TOP2B: variants seen among roughly 807,000 people sequenced by gnomAD.
TOP2B encodes DNA topoisomerase II beta, also known as DNA topoisomerase 2-beta.
In TOP2B, 51 loss-of-function variants were observed where a neutral mutation model predicts 193.5. That is an observed-to-expected ratio of 0.26 (90% CI 0.21 to 0.33). The LOEUF (loss-of-function observed/expected upper bound fraction) is 0.33. Among genes scored for constraint, TOP2B ranks in the 10% least tolerant of loss-of-function variants. The pLI, the probability that TOP2B is intolerant of heterozygous loss-of-function variation, is 1.00. For missense variants in TOP2B, 1,378 were observed against 1,909.3 expected (o/e 0.72, Z 5.19); for synonymous variants, 634 against 635.7 (o/e 1.00, Z 0.04).
In TOP2B at chr3:25,598,495, A is replaced by G; in HGVS notation, c.4711-18T>C. The G allele has an allele frequency of 6.5e-7, 1 of 1,548,458 alleles. No individual in the cohort carries two copies. The highest frequency in any genetic ancestry group is 8.7e-7 in the Non-Finnish European group (1 of 1,147,778). On this transcript the variant is annotated intron_variant, in intron 35 of 35. Coordinates refer to ENST00000264331, the MANE Select transcript of TOP2B (RefSeq NM_001330700.2). ...TTCGGTTTCTAGATTTTTTTTCAAT[A>G]GATTTAAAAGTTATGAAAGGAAGTA...
At chr3:25,618,614 A>G in intron 24 of TOP2B, 40 bp downstream of exon 24, 1 of 1,545,432 alleles carries the variant, frequency 6.5e-7, no homozygotes, top group Non-Finnish European at 8.7e-7. Flanking sequence ...TTTTTTTTCC[A>G]TTTTAACTAA....
chr3:25,624,189 G>C (rs1702736898), intron 20 of TOP2B, 108 bp downstream of exon 20: 1 of 1,312,488 alleles, frequency 7.6e-7, no homozygotes. Flanking sequence ...CTTCTAAGTA[G>C]AATAACCAGA....
intron 30 of TOP2B, 69 bp from the exon 31 acceptor site, chr3:25,607,444 G>GA: frequency 6.8e-7 from 1 of 1,464,032 alleles, no homozygotes; most frequent in Non-Finnish European, 9.2e-7. Context: ...TATTATTACT[G>GA]ATAAAGCATT....
rs145109481 is a variant in TOP2B, at chr3:25,614,711, A to G, written c.3591+494T>C. 2.4e-3 allele frequency among the ~76,000 whole-genome samples: 359 copies of G among 152,066 alleles called. 2 individuals carry two copies. The highest frequency in any genetic ancestry group is 8.2e-3 in the African/African-American group (342 of 41,538). On this transcript the variant is annotated intron_variant, in intron 27 of 35. Transcript: ENST00000264331. The stretch of plus-strand genomic sequence containing the variant: ...TCATAATGCTACCATTAATTCCAAT[A>G]TTTTAATTGGGCAATTTTAGAAAAG...
intron 13 of TOP2B, 137 bp downstream of exon 13, chr3:25,629,892 T>C: frequency 1.1e-6 from 1 of 893,948 alleles, no homozygotes; most frequent in Non-Finnish European, 1.6e-6. Flanking sequence ...CTAAATGACG[T>C]GGTTTTTTCA....
intron 1 of TOP2B, among the ~76,000 whole-genome samples, chr3:25,652,741 C>G (rs1703627552): frequency 6.6e-6 from 1 of 151,180 alleles, no homozygotes; most frequent in Non-Finnish European, 1.5e-5. Flanking sequence ...TAGACCCTTT[C>G]AAAGAACTAG....
intron 2 of TOP2B, among the ~76,000 whole-genome samples, chr3:25,645,080 G>A (rs571275935): frequency 6.6e-6 from 1 of 151,936 alleles, no homozygotes; most frequent in Non-Finnish European, 1.5e-5. Flanking sequence ...AAAGTGCTGG[G>A]ATTACAGGTG....
intron 16 of TOP2B, 78 bp from the exon 17 acceptor site, chr3:25,626,942 C>T: frequency 1.2e-6 from 1 of 865,562 alleles, no homozygotes; most frequent in Middle Eastern, 2.8e-4. Context: ...TATAAGTGGC[C>T]AATAACTAAT....
chr3:25,630,636 C>T (rs1575575529), intron 11 of TOP2B, among the ~76,000 whole-genome samples, 165 bp downstream of exon 11: 1 of 151,966 alleles, frequency 6.6e-6, no homozygotes, highest in South Asian at 2.1e-4. Context: ...AAATTCCTAT[C>T]CCCTGAAAAT....
At chr3:25,613,831 G>A (rs1293254978) in intron 27 of TOP2B, among the ~76,000 whole-genome samples, 2 of 152,150 alleles carry the variant, frequency 1.3e-5, no homozygotes, top group East Asian at 3.9e-4. Flanking sequence ...GAAAGTGGGT[G>A]TCTGAGAAGA....
chr3:25,639,645 A>G (rs1286685482), intron 4 of TOP2B, among the ~76,000 whole-genome samples: 2 of 152,212 alleles, frequency 1.3e-5, no homozygotes, highest in Non-Finnish European at 2.9e-5. Flanking sequence ...CCACAAATAA[A>G]TTGTTTCAAT....
chr3:25,647,892 C>T (rs549324190), intron 1 of TOP2B, among the ~76,000 whole-genome samples: 1 of 152,290 alleles, frequency 6.6e-6, no homozygotes, highest in Non-Finnish European at 1.5e-5. Context: ...TTTCTTTCCC[C>T]ATGAAGACAA....
chr3:25,609,765 T>A (rs1213682209), intron 28 of TOP2B, 53 bp from the exon 29 acceptor site: 1 of 1,415,530 alleles, frequency 7.1e-7, no homozygotes, highest in Non-Finnish European at 9.2e-7. Context: ...ACATCACATA[T>A]TTTAGAGATA....
intron 1 of TOP2B, among the ~76,000 whole-genome samples, chr3:25,662,983 G>T (rs1371991237): frequency 6.6e-6 from 1 of 152,122 alleles, no homozygotes; most frequent in Non-Finnish European, 1.5e-5. Flanking sequence ...AAGTCCACAT[G>T]GACCACTAAC....
intron 1 of TOP2B, among the ~76,000 whole-genome samples, chr3:25,646,847 G>A (rs1032207036): frequency 6.6e-6 from 1 of 151,958 alleles, no homozygotes; most frequent in Non-Finnish European, 1.5e-5. Context: ...ATATCCTCAG[G>A]AAACTCAAAC....
At chr3:25,664,124 G>A (rs1338461953) in intron 1 of TOP2B, 105 bp downstream of exon 1, 2 of 1,492,620 alleles carry the variant, frequency 1.3e-6, no homozygotes, top group Non-Finnish European at 9.0e-7. Flanking sequence ...GCCCGTTCGG[G>A]GGACGGGATT....
At chr3:25,645,092 G>T (rs114066135) in intron 2 of TOP2B, among the ~76,000 whole-genome samples, 5,136 of 152,094 alleles carry the variant, frequency 0.034, 110 homozygotes, top group Middle Eastern at 0.054. Context: ...TTACAGGTGT[G>T]AGCCACTGCG....
intron 11 of TOP2B, 142 bp from the exon 12 acceptor site, chr3:25,630,611 T>C: frequency 1.2e-6 from 1 of 833,504 alleles, no homozygotes; most frequent in Non-Finnish European, 1.8e-6. Flanking sequence ...GTATAAATAT[T>C]AAGTATATTT....
At chr3:25,602,396 CAAAAAAAAA>C (rs368021384) in intron 33 of TOP2B, among the ~76,000 whole-genome samples, 1 of 41,440 alleles carries the variant, frequency 2.4e-5, no homozygotes, top group Non-Finnish European at 4.9e-5. Flanking sequence ...GACTCTGTCT[CAAAAAAAAA>C]AAAAGAAAAA....
Sources: gnomAD v4.1 joint callset for allele counts (sites outside exome capture counted in the v4.1 genomes callset) on GRCh38, gnomAD v4.1.1 for gene constraint, MANE v1.5 for transcripts, NCBI Gene and HGNC (gene_info 2026-07-23, HGNC 2026-07-21) for gene names.